Variants in GPHN observed in about 807,000 individuals in gnomAD.
GPHN encodes gephyrin.
Under a neutral mutation model 95.5 loss-of-function variants are expected in GPHN, and 17 were observed. The ratio of observed to expected loss-of-function variants is 0.18; its 90% CI spans 0.12 to 0.27. The LOEUF is 0.27. Ranked by LOEUF, GPHN falls within the 10% of genes least tolerant of loss-of-function variation. The probability of loss-of-function intolerance (pLI) is 1.00; values close to 1 mark genes in which losing one functional copy is unlikely to be tolerated. For synonymous variants in GPHN, 320 were observed against 322.5 expected, an observed-to-expected ratio of 0.99 and a Z score of 0.08; for missense variants, 660 against 978.1, an observed-to-expected ratio of 0.67 and a Z score of 4.34.
chr14:67,496,030 C>T, the GPHN span, among the ~76,000 whole-genome samples: 16 of 152,264 alleles, frequency 1.1e-4, no homozygotes, highest in Admixed American at 2.6e-4. Context: ...TGTTAGATAA[C>T]GCACAGCCAA....
chr14:66,586,330 A>T (rs1298004619), intron 1 of GPHN, among the ~76,000 whole-genome samples: 2 of 152,072 alleles, frequency 1.3e-5, no homozygotes, highest in African/African-American at 4.8e-5. Context: ...ATGGGTCTTG[A>T]CTCTGTATCC....
chr14:67,611,257 C>CTCTTTCTA, the GPHN span: 1 of 151,266 alleles, frequency 6.6e-6, no homozygotes, highest in South Asian at 2.1e-4. Flanking sequence ...CCCTCTCTCT[C>CTCTTTCTA]TCTTTCTTTC....
intron 2 of GPHN, among the ~76,000 whole-genome samples, chr14:66,714,982 T>C (rs930418450): frequency 6.6e-6 from 1 of 152,132 alleles, no homozygotes; most frequent in African/African-American, 2.4e-5. Flanking sequence ...TAGGGTGATG[T>C]TGGCTTCATA....
At chr14:66,529,813 G>A (rs763586743) in intron 1 of GPHN, among the ~76,000 whole-genome samples, 20 of 152,122 alleles carry the variant, frequency 1.3e-4, no homozygotes, top group Non-Finnish European at 2.5e-4. Flanking sequence ...GAATGGTAAA[G>A]ATTGCTACCT....
At chr14:66,838,485 T>C (rs2061949192) in intron 4 of GPHN, among the ~76,000 whole-genome samples, 1 of 152,102 alleles carries the variant, frequency 6.6e-6, no homozygotes, top group African/African-American at 2.4e-5. Context: ...AGCTTGAATT[T>C]ATCAGTGATG....
intron 13 of GPHN, 151 bp from the exon 14 acceptor site, chr14:67,109,989 A>G (rs1040301541): frequency 1.5e-6 from 1 of 668,758 alleles, no homozygotes; most frequent in Non-Finnish European, 2.6e-6. Flanking sequence ...CTGTTTGTGG[A>G]TAGCTTTTAT....
chr14:67,575,833 G>C, the GPHN span: 1 of 1,613,430 alleles, frequency 6.2e-7, no homozygotes, highest in Non-Finnish European at 8.5e-7. Context: ...CGACCCCTGG[G>C]CTGCCTGCCT....
chr14:66,549,458 G>C (rs2059734911), intron 1 of GPHN, among the ~76,000 whole-genome samples: 1 of 152,216 alleles, frequency 6.6e-6, no homozygotes, highest in South Asian at 2.1e-4. Context: ...TGAAGGTCAA[G>C]AGTGGTATGG....
At chr14:66,581,208 A>G (rs1437639078) in intron 1 of GPHN, among the ~76,000 whole-genome samples, 1 of 149,690 alleles carries the variant, frequency 6.7e-6, no homozygotes, top group African/African-American at 2.5e-5. Context: ...GTCATACTCA[A>G]CAGTAGGAAG....
intron 8 of GPHN, among the ~76,000 whole-genome samples, chr14:66,933,675 A>T (rs1180723597): frequency 6.6e-6 from 1 of 152,240 alleles, no homozygotes; most frequent in Admixed American, 6.5e-5. Context: ...ATTATCCTGT[A>T]TCTCACAACA....
In GPHN at chr14:66,812,317, T is replaced by A. The variant is rs887553270; in HGVS notation, c.202-12157T>A. Among the ~76,000 whole-genome samples, 32 of 152,178 alleles carry A rather than the reference T, an allele frequency of 2.1e-4. 1 individual carries two copies. The highest frequency in any genetic ancestry group is 1.8e-3 in the Admixed American group (28 of 15,276). On this transcript the variant is annotated intron_variant, in intron 3 of 22. Coordinates refer to ENST00000478722, the MANE Select transcript of GPHN (RefSeq NM_020806.5). ...GCCGAAGTCACTGCTTACTAAAATTTAAAAAAATCAATATTATAACAAAAT... is the reference window on the plus strand; with the variant it reads ...GCCGAAGTCACTGCTTACTAAAATTAAAAAAAATCAATATTATAACAAAAT...
the GPHN span, among the ~76,000 whole-genome samples, chr14:67,547,402 G>A: frequency 6.6e-6 from 1 of 152,230 alleles, no homozygotes; most frequent in Non-Finnish European, 1.5e-5. Flanking sequence ...TTCATGAGAT[G>A]CTTTCCCTAG....
the GPHN span, among the ~76,000 whole-genome samples, chr14:67,218,418 G>C: frequency 2.0e-5 from 3 of 152,170 alleles, no homozygotes; most frequent in Non-Finnish European, 4.4e-5. Context: ...GTGCAAGTCT[G>C]CTTGGCTGAC....
At chr14:66,808,932 T>C (rs2060654607) in intron 3 of GPHN, among the ~76,000 whole-genome samples, 1 of 152,208 alleles carries the variant, frequency 6.6e-6, no homozygotes, top group African/African-American at 2.4e-5. Flanking sequence ...AAAAGAAATA[T>C]GAACAAATGT....
the GPHN span, chr14:67,662,659 A>G: frequency 9.1e-6 from 8 of 877,654 alleles, no homozygotes; most frequent in Non-Finnish European, 1.3e-5. Context: ...TAATCCCAGC[A>G]CTTTGGGAGG....
intron 2 of GPHN, among the ~76,000 whole-genome samples, chr14:66,762,264 C>T (rs926995332): frequency 6.6e-6 from 1 of 151,902 alleles, no homozygotes; most frequent in Non-Finnish European, 1.5e-5. Flanking sequence ...TACTAATTAC[C>T]AATGGTTCAT....
chr14:67,345,691 G>T, the GPHN span: 3 of 923,578 alleles, frequency 3.2e-6, no homozygotes, highest in South Asian at 4.2e-5. Flanking sequence ...AGTATATGCT[G>T]ACTCAAGACC....
At chr14:67,500,257 C>T in the GPHN span, among the ~76,000 whole-genome samples, 4 of 152,026 alleles carry the variant, frequency 2.6e-5, no homozygotes, top group Non-Finnish European at 1.5e-5. Context: ...GGGTGGATCA[C>T]GAGATCAGGA....
At chr14:66,559,151 G>A (rs1263218842) in intron 1 of GPHN, among the ~76,000 whole-genome samples, 1 of 152,006 alleles carries the variant, frequency 6.6e-6, no homozygotes, top group Non-Finnish European at 1.5e-5. Flanking sequence ...TTGGACATTT[G>A]GCTTGGTTCC....
Sources: gnomAD v4.1 joint callset for allele counts (sites outside exome capture counted in the v4.1 genomes callset) on GRCh38, gnomAD v4.1.1 for gene constraint, MANE v1.5 for transcripts, NCBI Gene and HGNC (gene_info 2026-07-23, HGNC 2026-07-21) for gene names.